Variants in RBFOX1 observed in about 807,000 individuals in gnomAD.
RBFOX1 encodes RNA binding fox-1 homolog 1.
Under a neutral mutation model 57.7 loss-of-function variants are expected in RBFOX1, and 8 were observed. The ratio of observed to expected loss-of-function variants is 0.14; its 90% CI spans 0.08 to 0.25. RBFOX1 has a LOEUF of 0.25. RBFOX1 is among the 10% of genes least tolerant of loss of function. RBFOX1 has a pLI of 1.00. For missense variants in RBFOX1, 611 were observed against 548.5 expected (o/e 1.11, Z -1.14); for synonymous variants, 326 against 222.4 (o/e 1.47, Z -4.15).
intron 4 of RBFOX1, among the ~76,000 whole-genome samples, chr16:7,375,736 A>T (rs963926681): frequency 6.6e-6 from 1 of 152,164 alleles, no homozygotes; most frequent in Non-Finnish European, 1.5e-5. Flanking sequence ...TACAGTGACA[A>T]ATAAAATGAA....
At chr16:5,383,954 C>G (rs1044962556) in intron 1 of RBFOX1, among the ~76,000 whole-genome samples, 9 of 152,190 alleles carry the variant, frequency 5.9e-5, no homozygotes, top group African/African-American at 2.2e-4. Flanking sequence ...TCTTCTTTGC[C>G]TATTCTGCAT....
rs993864425 is a variant in RBFOX1, at chr16:7,534,906, A to G, written c.270+16517A>G. On this transcript the variant is annotated intron_variant, in intron 5 of 15. Coordinates refer to ENST00000550418, the MANE Select transcript of RBFOX1 (RefSeq NM_018723.4). ...ATTTTCCTTCTTTAGCTCGAATGTC[A>G]AGCGCTGCAGGCTTTCTGAGAATTC... Among the ~76,000 whole-genome samples, 13 of 152,270 alleles carry G rather than the reference A, an allele frequency of 8.5e-5. 1 individual carries two copies. In the South Asian group the frequency reaches 2.7e-3, roughly 32 times the overall value.
At chr16:5,454,340 C>T (rs1030662216) in intron 1 of RBFOX1, among the ~76,000 whole-genome samples, 12 of 152,214 alleles carry the variant, frequency 7.9e-5, no homozygotes, top group Non-Finnish European at 1.5e-4. Context: ...TGATTAAACT[C>T]TTAGAGTCTG....
intron 3 of RBFOX1, among the ~76,000 whole-genome samples, chr16:6,772,284 C>T (rs1331073230): frequency 6.6e-6 from 1 of 152,134 alleles, no homozygotes; most frequent in African/African-American, 2.4e-5. Flanking sequence ...TATGGATATA[C>T]AGTGCCTGAC....
chr16:6,211,786 TA>T (rs1357655952), intron 1 of RBFOX1, among the ~76,000 whole-genome samples: 1 of 152,194 alleles, frequency 6.6e-6, no homozygotes, highest in East Asian at 1.9e-4. Flanking sequence ...ACCTATCAAA[TA>T]AATAACATTC....
At position 6,123,352 on chromosome 16, in the gene RBFOX1, A is replaced by G. The variant is rs143031806; in HGVS notation, c.-127+103360A>G. Among the ~76,000 whole-genome samples, 661 of 152,356 alleles carry G rather than the reference A, an allele frequency of 4.3e-3. 5 individuals carry two copies. Among genetic ancestry groups the G allele is most frequent in the Middle Eastern group, 0.014 (4 of 294 alleles). On this transcript the variant is annotated intron_variant, in intron 1 of 15. Transcript: ENST00000550418. ...ACATAATAAAATTCTGACATGTGCT[A>G]TAATATGGATGAACCTTGCAAACAT...
At chr16:7,682,122 A>G (rs542130331) in intron 14 of RBFOX1, among the ~76,000 whole-genome samples, 1 of 152,256 alleles carries the variant, frequency 6.6e-6, no homozygotes, top group Non-Finnish European at 1.5e-5. Context: ...CATGCTGTTT[A>G]AAAAGATTTA....
At chr16:6,965,455 A>G (rs760008684) in intron 3 of RBFOX1, among the ~76,000 whole-genome samples, 28 of 150,772 alleles carry the variant, frequency 1.9e-4, no homozygotes, top group Non-Finnish European at 3.8e-4. Flanking sequence ...TTCTGCCTAA[A>G]CCTCCCCAGT....
chr16:7,142,992 G>A (rs933584494), intron 4 of RBFOX1, among the ~76,000 whole-genome samples: 3 of 151,556 alleles, frequency 2.0e-5, no homozygotes, highest in Non-Finnish European at 2.9e-5. Flanking sequence ...TCCAAAATTG[G>A]GACTGGGTGG....
intron 3 of RBFOX1, among the ~76,000 whole-genome samples, chr16:5,817,123 A>G (rs968214522): frequency 6.6e-6 from 1 of 152,098 alleles, no homozygotes; most frequent in Admixed American, 6.5e-5. Flanking sequence ...TCTTCCCTGC[A>G]TTGTAATCCA....
intron 14 of RBFOX1, among the ~76,000 whole-genome samples, chr16:7,691,011 C>G (rs1410971775): frequency 6.6e-6 from 1 of 152,088 alleles, no homozygotes; most frequent in Admixed American, 6.6e-5. Flanking sequence ...AAGTAGTGAT[C>G]ACACAGATTG....
At chr16:5,317,950 C>G (rs2064288036) in intron 1 of RBFOX1, among the ~76,000 whole-genome samples, 1 of 152,078 alleles carries the variant, frequency 6.6e-6, no homozygotes, top group South Asian at 2.1e-4. Context: ...TTCCTAGTGT[C>G]TGGTAACCTC....
At chr16:5,471,431 G>C (rs1052025915) in intron 2 of RBFOX1, among the ~76,000 whole-genome samples, 1 of 152,074 alleles carries the variant, frequency 6.6e-6, no homozygotes, top group Non-Finnish European at 1.5e-5. Flanking sequence ...TTTTTCTCTC[G>C]GAGAGATGCT....
intron 4 of RBFOX1, among the ~76,000 whole-genome samples, chr16:7,140,110 C>G (rs1392875936): frequency 2.0e-5 from 3 of 151,262 alleles, no homozygotes; most frequent in Non-Finnish European, 4.4e-5. Flanking sequence ...CTCTTTCTCT[C>G]TGCATGAAAC....
intron 1 of RBFOX1, among the ~76,000 whole-genome samples, chr16:5,308,183 T>C (rs2063987391): frequency 6.6e-6 from 1 of 151,766 alleles, no homozygotes. Context: ...TTACTAAAAA[T>C]ACAAAAAATT....
intron 3 of RBFOX1, among the ~76,000 whole-genome samples, chr16:6,844,093 C>T (rs185160582): frequency 1.3e-5 from 2 of 151,340 alleles, no homozygotes; most frequent in East Asian, 3.9e-4. Flanking sequence ...CCCTCTCTGT[C>T]TCTAAGCCAC....
At chr16:6,909,127 C>G (rs1430448704) in intron 3 of RBFOX1, among the ~76,000 whole-genome samples, 9 of 152,186 alleles carry the variant, frequency 5.9e-5, no homozygotes, top group Non-Finnish European at 1.3e-4. Context: ...CAAAATGGGT[C>G]TTGCTGGAGT....
At chr16:6,496,026 C>G (rs1189056672) in intron 2 of RBFOX1, among the ~76,000 whole-genome samples, 4 of 152,008 alleles carry the variant, frequency 2.6e-5, no homozygotes, top group African/African-American at 7.3e-5. Flanking sequence ...AGTGACAGGA[C>G]AAAATGTGGA....
At chr16:5,965,692 G>T (rs1394632791) in intron 4 of RBFOX1, among the ~76,000 whole-genome samples, 1 of 152,146 alleles carries the variant, frequency 6.6e-6, no homozygotes, top group African/African-American at 2.4e-5. Flanking sequence ...CCTAAACCCT[G>T]CCTCATCTCT....
Sources: allele counts gnomAD v4.1 joint callset (sites outside exome capture counted in the v4.1 genomes callset), GRCh38; gene constraint gnomAD v4.1.1; transcripts MANE v1.5; gene names NCBI Gene and HGNC (gene_info 2026-07-23, HGNC 2026-07-21).